The following NKAIN2 variants were observed in gnomAD, a reference collection of about 807,000 sequenced individuals.
NKAIN2 encodes the protein sodium/potassium transporting ATPase interacting 2.
Under a neutral mutation model 32.6 loss-of-function variants are expected in NKAIN2, and 14 were observed. The observed-to-expected ratio is 0.43, with a 90% CI of 0.28 to 0.67. The LOEUF is 0.67. Ranked by LOEUF, NKAIN2 falls within the 30% of genes least tolerant of loss-of-function variation. NKAIN2 has a pLI of 0.17. For missense variants in NKAIN2, 198 were observed against 258.3 expected (o/e 0.77, Z 1.60); for synonymous variants, 80 against 87.2 (o/e 0.92, Z 0.46).
chr6:124,223,507 G>A (rs1175779425), intron 1 of NKAIN2, among the ~76,000 whole-genome samples: 1 of 152,040 alleles, frequency 6.6e-6, no homozygotes, highest in Non-Finnish European at 1.5e-5. Context: ...TTTTGTTCTA[G>A]TATTTATACA....
chr6:124,749,018 T>C (rs1777587943), intron 4 of NKAIN2, among the ~76,000 whole-genome samples: 1 of 151,974 alleles, frequency 6.6e-6, no homozygotes, highest in Admixed American at 6.6e-5. Flanking sequence ...TTAGCAGGGC[T>C]GCATTCTTTT....
At chr6:123,838,083 G>A (rs1774706254) in intron 1 of NKAIN2, among the ~76,000 whole-genome samples, 1 of 152,074 alleles carries the variant, frequency 6.6e-6, no homozygotes, top group African/African-American at 2.4e-5. Context: ...GATTTTCCAG[G>A]AAAGAATGGC....
chr6:123,919,370 A>C (rs1357995652), intron 1 of NKAIN2, among the ~76,000 whole-genome samples: 2 of 152,082 alleles, frequency 1.3e-5, no homozygotes, highest in Non-Finnish European at 2.9e-5. Flanking sequence ...ATAGACAAAG[A>C]AAAACTGCAT....
intron 3 of NKAIN2, among the ~76,000 whole-genome samples, chr6:124,398,570 G>A (rs1479755155): frequency 1.3e-5 from 2 of 152,112 alleles, no homozygotes; most frequent in Non-Finnish European, 2.9e-5. Context: ...TCATAGGCTT[G>A]AGAAGGCCTG....
At chr6:124,492,915 G>A (rs181599922) in intron 3 of NKAIN2, among the ~76,000 whole-genome samples, 18 of 152,056 alleles carry the variant, frequency 1.2e-4, no homozygotes, top group Admixed American at 2.6e-4. Flanking sequence ...CACCATGGTA[G>A]TCAAGAGGTA....
chr6:123,884,891 A>G lies in NKAIN2; in HGVS notation c.54+80637A>G, dbSNP rs80079371. Reference sequence around the variant, plus strand: ...CATTTCAGTCATTTTAACAGTGTCTATATTTTTAGTTAATTGATTGTAGTA... The same window carrying G: ...CATTTCAGTCATTTTAACAGTGTCTGTATTTTTAGTTAATTGATTGTAGTA... On this transcript the variant is annotated intron_variant, in intron 1 of 6. Transcript: ENST00000368417. Among the ~76,000 whole-genome samples the G allele has an allele frequency of 9.7e-3, 1,478 of 152,206 alleles. 38 individuals carry two copies. The East Asian group carries it at 0.11, about 11-fold the overall frequency.
chr6:124,621,937 A>G (rs537948002), intron 3 of NKAIN2, among the ~76,000 whole-genome samples: 11 of 152,216 alleles, frequency 7.2e-5, no homozygotes, highest in African/African-American at 2.6e-4. Context: ...ACAAAAATCT[A>G]TATATTCCTT....
chr6:124,352,110 G>A (rs777200176), intron 2 of NKAIN2, among the ~76,000 whole-genome samples: 26 of 152,094 alleles, frequency 1.7e-4, no homozygotes, highest in Non-Finnish European at 2.9e-4. Context: ...ATTGTAATGG[G>A]TCATATCACT....
chr6:124,633,057 A>C (rs901956486), intron 3 of NKAIN2, among the ~76,000 whole-genome samples: 4 of 152,246 alleles, frequency 2.6e-5, no homozygotes, highest in African/African-American at 9.6e-5. Flanking sequence ...ACCATTTTCT[A>C]TTCTAGTGCT....
chr6:124,805,712 A>G (rs542685390), intron 5 of NKAIN2, among the ~76,000 whole-genome samples: 22 of 152,304 alleles, frequency 1.4e-4, no homozygotes, highest in African/African-American at 4.1e-4. Flanking sequence ...GGAAATTCAA[A>G]CCAAAGGCAA....
intron 3 of NKAIN2, among the ~76,000 whole-genome samples, chr6:124,367,191 T>C (rs1352966740): frequency 6.6e-6 from 1 of 152,162 alleles, no homozygotes; most frequent in Non-Finnish European, 1.5e-5. Flanking sequence ...TGATACATCA[T>C]AAAACAAATG....
At chr6:124,376,458 A>C (rs988211036) in intron 3 of NKAIN2, among the ~76,000 whole-genome samples, 1 of 152,180 alleles carries the variant, frequency 6.6e-6, no homozygotes, top group African/African-American at 2.4e-5. Flanking sequence ...TGTGAAATAC[A>C]TGAGTACATT....
At chr6:124,570,897 C>G (rs1019711823) in intron 3 of NKAIN2, among the ~76,000 whole-genome samples, 21 of 152,200 alleles carry the variant, frequency 1.4e-4, no homozygotes, top group African/African-American at 4.3e-4. Flanking sequence ...ACACTCAACA[C>G]CAGCCTGTGA....
At chr6:124,489,499 A>G (rs917549447) in intron 3 of NKAIN2, among the ~76,000 whole-genome samples, 1 of 151,846 alleles carries the variant, frequency 6.6e-6, no homozygotes, top group Non-Finnish European at 1.5e-5. Flanking sequence ...CTAACCTATC[A>G]AACATCAGAG....
At chr6:124,528,825 G>A (rs1463479934) in intron 3 of NKAIN2, among the ~76,000 whole-genome samples, 1 of 152,096 alleles carries the variant, frequency 6.6e-6, no homozygotes, top group Non-Finnish European at 1.5e-5. Context: ...AACAAAGCCA[G>A]ATAAGATTAT....
intron 1 of NKAIN2, among the ~76,000 whole-genome samples, chr6:124,262,714 A>G (rs1582947998): frequency 1.3e-5 from 2 of 152,160 alleles, no homozygotes; most frequent in African/African-American, 4.8e-5. Flanking sequence ...CTAGAATTGT[A>G]TTTTAGAAAG....
intron 3 of NKAIN2, among the ~76,000 whole-genome samples, chr6:124,639,946 T>C (rs2114349904): frequency 6.6e-6 from 1 of 152,248 alleles, no homozygotes; most frequent in Middle Eastern, 3.4e-3. Context: ...AACAATCATT[T>C]ATTGTATATT....
chr6:124,258,986 A>C (rs879663597), intron 1 of NKAIN2, among the ~76,000 whole-genome samples: 2 of 152,188 alleles, frequency 1.3e-5, no homozygotes, highest in African/African-American at 2.4e-5. Context: ...AGTGCTTTGT[A>C]AATCCAGATG....
At chr6:123,959,541 A>G (rs1317207849) in intron 1 of NKAIN2, among the ~76,000 whole-genome samples, 1 of 152,162 alleles carries the variant, frequency 6.6e-6, no homozygotes, top group Non-Finnish European at 1.5e-5. Context: ...TTCAGTTTCC[A>G]TTGTGATTGC....
Sources: allele counts gnomAD v4.1 joint callset (sites outside exome capture counted in the v4.1 genomes callset), GRCh38; gene constraint gnomAD v4.1.1; transcripts MANE v1.5; gene names NCBI Gene and HGNC (gene_info 2026-07-23, HGNC 2026-07-21).